Variants in USP39 observed in about 807,000 individuals in gnomAD.
The protein encoded by USP39 is ubiquitin specific peptidase 39.
In USP39, 38 loss-of-function variants were observed where a neutral mutation model predicts 66.4. That is an observed-to-expected ratio of 0.57 (90% CI 0.44 to 0.75). The LOEUF is 0.75. Among genes scored for constraint, USP39 ranks in the 30% least tolerant of loss-of-function variants. The pLI is 0.00. For missense variants in USP39, 608 were observed against 714.4 expected, an observed-to-expected ratio of 0.85 and a Z score of 1.70; for synonymous variants, 303 against 274.6, an observed-to-expected ratio of 1.10 and a Z score of -1.02.
chr2:85,611,718 G>A (rs1264744983), upstream of USP39: 2 of 1,599,916 alleles, frequency 1.3e-6, no homozygotes, highest in Admixed American at 3.5e-5. Flanking sequence ...GGGCCGCGTC[G>A]GCGCGGGCGT....
At chr2:85,634,354 G>A (rs575673516) in intron 6 of USP39, among the ~76,000 whole-genome samples, 2 of 151,932 alleles carry the variant, frequency 1.3e-5, no homozygotes, top group Non-Finnish European at 2.9e-5. Flanking sequence ...TGGGAGGATT[G>A]CTTGAGCCCA....
At chr2:85,607,711 G>A (rs1381844799), upstream of USP39, 1 of 152,206 alleles carries the variant, frequency 6.6e-6, no homozygotes, top group Admixed American at 6.5e-5. Context: ...AGGGCCTATG[G>A]TTTCAGGAAA....
At chr2:85,644,042 A>G (rs995879765) in intron 10 of USP39, among the ~76,000 whole-genome samples, 8 of 152,234 alleles carry the variant, frequency 5.3e-5, no homozygotes, top group Admixed American at 3.9e-4. Flanking sequence ...GCTGTCACCA[A>G]TACATAGAAA....
chr2:85,608,818 A>G (rs989708089), upstream of USP39: 2 of 1,313,504 alleles, frequency 1.5e-6, no homozygotes, highest in Non-Finnish European at 2.1e-6. Context: ...GCAACACCCT[A>G]TGGATGCAGC....
At position 85,634,573 on chromosome 2, in the gene USP39, C is replaced by T. The variant is rs549048172; in HGVS notation, c.950-1480C>T. Reference sequence around the variant, plus strand: ...TGGGTGACAGAGTGAGACGCTGTGTCGCGAAGAAAAAATCTGGGTGCCTCA... The same window carrying T: ...TGGGTGACAGAGTGAGACGCTGTGTTGCGAAGAAAAAATCTGGGTGCCTCA... On this transcript the variant is annotated intron_variant, in intron 6 of 12. Transcript: ENST00000323701. Among the ~76,000 whole-genome samples the T allele has an allele frequency of 8.5e-5, 13 of 152,196 alleles. No homozygotes were observed. The East Asian group carries it at 2.3e-3, about 27-fold the overall frequency.
At chr2:85,639,083 C>A in intron 8 of USP39, 120 bp from the exon 9 acceptor site, 2 of 1,015,434 alleles carry the variant, frequency 2.0e-6, no homozygotes, top group Non-Finnish European at 2.8e-6. Context: ...CCCAATCTCT[C>A]GGGCACTTCT....
chr2:85,631,310 G>A lies in USP39; in HGVS notation c.949+364G>A, dbSNP rs866034890. On this transcript the variant is annotated intron_variant, in intron 6 of 12. Transcript: ENST00000323701. ...ATTACAGGCATGAGCCACTGCGCCC[G>A]GCCTTTTTTTTTTTTTTTTTTTTAA... is the stretch of plus-strand genomic sequence containing the variant. Among the ~76,000 whole-genome samples, 219 of 140,854 alleles carry A rather than the reference G, an allele frequency of 1.6e-3. 2 individuals are homozygous for A. In the Middle Eastern group the frequency reaches 0.019, roughly 12 times the overall value. The allele number at this position is 140,854 out of a possible 152,430, so 92.4% of individuals were successfully genotyped here.
chr2:85,642,804 A>G (rs1023216867), intron 10 of USP39, among the ~76,000 whole-genome samples: 2 of 151,950 alleles, frequency 1.3e-5, no homozygotes, highest in Non-Finnish European at 2.9e-5. Flanking sequence ...TTTGTCGGAG[A>G]GTTATCAGAC....
upstream of USP39, chr2:85,611,937 C>G: frequency 8.2e-6 from 13 of 1,585,640 alleles, no homozygotes; most frequent in Non-Finnish European, 1.1e-5. Context: ...CCAGCCGCCC[C>G]CCAGGCTTGC....
intron 9 of USP39, among the ~76,000 whole-genome samples, chr2:85,640,527 G>C (rs745727837): frequency 3.1e-4 from 47 of 151,758 alleles, no homozygotes; most frequent in Non-Finnish European, 4.1e-4. Flanking sequence ...GGCCTCAAGT[G>C]ATCTGCCTGC....
chr2:85,622,933 A>C (rs1401089338), intron 3 of USP39, among the ~76,000 whole-genome samples: 1 of 152,232 alleles, frequency 6.6e-6, no homozygotes, highest in East Asian at 1.9e-4. Context: ...TAAGGAGTCA[A>C]GGTTGACATG....
rs145244366 is a variant in USP39 at position 85,648,431 on chromosome 2, G to A, written c.1651-330G>A. ...CGTTTGTTTTAGTGCCGGCCATATC[G>A]CTTTGCCTGTCTGTCCTCTCCATTG... On this transcript the variant is annotated intron_variant, in intron 12 of 12. Coordinates refer to ENST00000323701, the MANE Select transcript of USP39 (RefSeq NM_006590.4). 3.4e-3 allele frequency among the ~76,000 whole-genome samples: 517 copies of A among 152,212 alleles called. 1 individual carries two copies. The highest frequency in any genetic ancestry group is 0.012 in the African/African-American group (491 of 41,532).
intron 11 of USP39, among the ~76,000 whole-genome samples, chr2:85,646,562 G>A (rs949622629): frequency 3.9e-5 from 6 of 152,216 alleles, no homozygotes; most frequent in Non-Finnish European, 8.8e-5. Context: ...CGTCCTTGAA[G>A]CAGGAATGGG....
At chr2:85,645,193 G>T in intron 11 of USP39, 110 bp downstream of exon 11, 4 of 1,467,312 alleles carry the variant, frequency 2.7e-6, no homozygotes, top group Non-Finnish European at 3.7e-6. Context: ...TTGGCTTTGG[G>T]ACTCTGCAAG....
chr2:85,623,670 A>G lies in USP39; in HGVS notation c.458A>G (p.Tyr153Cys), dbSNP rs751498808. ...GGCCGGGGTTTGAAGTCTCACGCCT[A>G]CATTCACAGTGTCCAGTTTAGCCAC... ...FQGRGLKSHAYIHSVQFSHHV... is the reference protein window; with the variant it reads ...FQGRGLKSHACIHSVQFSHHV... Residue 153 changes from tyrosine (Y) to cysteine (C), a missense_variant, in exon 4 of 13, where the codon TAC becomes TGC. Transcript: ENST00000323701. 2.0e-5 allele frequency: 33 copies of G among 1,613,604 alleles called. No homozygotes were observed. In the East Asian group the frequency reaches 5.4e-4, roughly 26 times the overall value.
rs1340891380 is a variant in USP39, at chr2:85,616,572, G to A, written c.268+109G>A. On this transcript the variant is annotated intron_variant, in intron 1 of 12. Coordinates refer to ENST00000323701, the MANE Select transcript of USP39 (RefSeq NM_006590.4). ...CTGCGCCGGAGTTGGGGGAGGGGTG[G>A]GGTTGGGGTGGAGAAGAGGAGGGAT... 2.6e-5 allele frequency: 35 copies of A among 1,336,306 alleles called. 7 individuals carry two copies. The highest frequency in any genetic ancestry group is 3.4e-5 in the Non-Finnish European group (35 of 1,025,748). 82.8% of individuals were successfully genotyped at this position (1,336,306 alleles called of 1,614,324 possible).
intron 8 of USP39, among the ~76,000 whole-genome samples, chr2:85,638,341 AT>A (rs200042218): frequency 1.5e-4 from 23 of 149,286 alleles, no homozygotes; most frequent in Admixed American, 9.4e-4. Context: ...TTTTTAATGG[AT>A]TTTTTTTCCT....
At chr2:85,616,648 T>C (rs1573389124) in intron 1 of USP39, among the ~76,000 whole-genome samples, 185 bp downstream of exon 1, 1 of 151,304 alleles carries the variant, frequency 6.6e-6, no homozygotes, top group East Asian at 2.0e-4. Context: ...GACAGTACCC[T>C]TCTCAATAAT....
chr2:85,636,305 CA>C (rs1675768614), intron 7 of USP39, among the ~76,000 whole-genome samples, 175 bp downstream of exon 7: 1 of 151,998 alleles, frequency 6.6e-6, no homozygotes, highest in Non-Finnish European at 1.5e-5. Flanking sequence ...CCATCTCTAC[CA>C]AAAATACAAA....
Sources: gnomAD v4.1 joint callset for allele counts (sites outside exome capture counted in the v4.1 genomes callset) on GRCh38, gnomAD v4.1.1 for gene constraint, MANE v1.5 for transcripts, NCBI Gene and HGNC (gene_info 2026-07-23, HGNC 2026-07-21) for gene names.